Variants in FARP2 observed in about 807,000 individuals in gnomAD.
FARP2 encodes FERM, ARHGEF and pleckstrin domain-containing protein 2.
Under a neutral mutation model 130.5 loss-of-function variants are expected in FARP2, and 111 were observed. The ratio of observed to expected loss-of-function variants is 0.85; its 90% CI spans 0.73 to 1.00. The LOEUF (loss-of-function observed/expected upper bound fraction) is 1.00. Ranked by LOEUF, FARP2 falls within the 50% of genes least tolerant of loss-of-function variation. The pLI is 0.00. For missense variants in FARP2, 1,385 were observed against 1,346.3 expected (o/e 1.03, Z -0.45); for synonymous variants, 504 against 516.9 (o/e 0.98, Z 0.34).
At chr2:241,426,416 A>G (rs2062940542) in intron 8 of FARP2, among the ~76,000 whole-genome samples, 1 of 152,236 alleles carries the variant, frequency 6.6e-6, no homozygotes, top group African/African-American at 2.4e-5. Flanking sequence ...GACCATTAAT[A>G]TAAATACTGA....
chr2:241,366,984 C>G (rs1484185783), intron 1 of FARP2, among the ~76,000 whole-genome samples: 1 of 152,006 alleles, frequency 6.6e-6, no homozygotes, highest in Non-Finnish European at 1.5e-5. Flanking sequence ...TTTTTTAAAT[C>G]ACAGCTTGGT....
At position 241,453,790 on chromosome 2, in the gene FARP2, T is replaced by G. The variant is rs1273578996; in HGVS notation, c.1412-2957T>G. On this transcript the variant is annotated intron_variant, in intron 13 of 26. Coordinates refer to ENST00000264042, the MANE Select transcript of FARP2 (RefSeq NM_014808.4). ...ACTGGTTTTTTTTTTTTTTTTTTTT[T>G]TTTTTTTTTTTGAGATGGGGCCTTC... Among the ~76,000 whole-genome samples, 157 of 123,928 alleles carry G rather than the reference T, an allele frequency of 1.3e-3. 1 individual carries two copies. The highest frequency in any genetic ancestry group is 4.3e-3 in the African/African-American group (141 of 32,550). The allele number at this position is 123,928 out of a possible 152,430, so 81.3% of individuals were successfully genotyped here. A position where few individuals can be genotyped will look rare whatever the true frequency, so the allele number is the denominator to read the frequency against.
At chr2:241,490,197 A>G (rs749986361) in intron 22 of FARP2, among the ~76,000 whole-genome samples, 153 bp downstream of exon 22, 34 of 152,132 alleles carry the variant, frequency 2.2e-4, no homozygotes, top group Non-Finnish European at 3.8e-4. Context: ...TCCAAGTCAC[A>G]CAACCAAAGG....
At chr2:241,463,224 G>C in intron 15 of FARP2, 111 bp from the exon 16 acceptor site, 1 of 1,124,638 alleles carries the variant, frequency 8.9e-7, no homozygotes, top group Non-Finnish European at 1.3e-6. Context: ...CTTTGTAGGC[G>C]GTGACTGGAG....
intron 2 of FARP2, among the ~76,000 whole-genome samples, chr2:241,403,402 T>G (rs2062244365): frequency 6.6e-6 from 1 of 151,886 alleles, no homozygotes; most frequent in African/African-American, 2.4e-5. Flanking sequence ...TGGGTAGAGG[T>G]GAGGTGTCAC....
intron 19 of FARP2, chr2:241,479,009 C>G: frequency 1.9e-6 from 1 of 513,586 alleles, no homozygotes; most frequent in Non-Finnish European, 3.6e-6. Flanking sequence ...ACAGTATTGA[C>G]AGCTGAAAAA....
At chr2:241,407,702 A>C (rs2062399676) in intron 5 of FARP2, 87 bp downstream of exon 5, 1 of 1,027,998 alleles carries the variant, frequency 9.7e-7, no homozygotes, top group Non-Finnish European at 1.5e-6. Context: ...CATTGAAAGA[A>C]TGAATAAGCC....
chr2:241,375,615 A>T (rs1490319681), intron 2 of FARP2, among the ~76,000 whole-genome samples: 1 of 152,226 alleles, frequency 6.6e-6, no homozygotes, highest in African/African-American at 2.4e-5. Flanking sequence ...GTCAGTTTTA[A>T]TAAATTGAGA....
chr2:241,428,416 T>A (rs1489471815), intron 8 of FARP2, among the ~76,000 whole-genome samples: 2 of 148,848 alleles, frequency 1.3e-5, no homozygotes, highest in Admixed American at 6.8e-5. Flanking sequence ...TTTTTTTTTT[T>A]AATTCCTGAC....
At chr2:241,428,142 C>T (rs2063001580) in intron 8 of FARP2, among the ~76,000 whole-genome samples, 2 of 151,808 alleles carry the variant, frequency 1.3e-5, no homozygotes, top group South Asian at 4.2e-4. Context: ...GATTTTGTTT[C>T]CTTTTGTTGA....
chr2:241,491,030 G>C (rs1375602928), intron 22 of FARP2, 31 bp from the exon 23 acceptor site: 2 of 1,533,130 alleles, frequency 1.3e-6, no homozygotes, highest in East Asian at 4.5e-5. Context: ...AGGAAGAGCA[G>C]AGCCACTGAG....
At chr2:241,428,258 G>A (rs1472761662) in intron 8 of FARP2, among the ~76,000 whole-genome samples, 2 of 130,170 alleles carry the variant, frequency 1.5e-5, no homozygotes, top group African/African-American at 2.8e-5. Flanking sequence ...TTTTTGAGAC[G>A]GAGTCTCCCT....
chr2:241,402,526 T>G (rs1445572140), intron 2 of FARP2, among the ~76,000 whole-genome samples: 1 of 152,178 alleles, frequency 6.6e-6, no homozygotes, highest in Non-Finnish European at 1.5e-5. Flanking sequence ...AAGTCAAGTC[T>G]GTCCATCTTT....
chr2:241,410,834 T>A, intron 5 of FARP2, 199 bp from the exon 6 acceptor site: 2 of 543,246 alleles, frequency 3.7e-6, no homozygotes, highest in South Asian at 4.0e-5. Context: ...GTTTATCATC[T>A]GACCTTCACT....
At chr2:241,405,236 T>C in intron 4 of FARP2, 1 of 155,910 alleles carries the variant, frequency 6.4e-6, no homozygotes, top group South Asian at 2.0e-4. Flanking sequence ...ATAACAATTA[T>C]ATTATTATTT....
rs563476674 is a variant in FARP2 at position 241,365,444 on chromosome 2, A to G, written c.-24-7640A>G. 8.9e-4 allele frequency among the ~76,000 whole-genome samples: 135 copies of G among 152,374 alleles called. 1 individual carries two copies. The highest frequency in any genetic ancestry group is 2.8e-3 in the African/African-American group (116 of 41,590). On this transcript the variant is annotated intron_variant, in intron 1 of 26. Coordinates refer to ENST00000264042, the MANE Select transcript of FARP2 (RefSeq NM_014808.4). ...TAGAAAATAATATTAACCTCTTAATATCATCTGATGCTTAGTTAGCATTCG... is the reference window on the plus strand; with the variant it reads ...TAGAAAATAATATTAACCTCTTAATGTCATCTGATGCTTAGTTAGCATTCG...
chr2:241,407,439 C>T, intron 4 of FARP2, 98 bp from the exon 5 acceptor site: 3 of 886,070 alleles, frequency 3.4e-6, no homozygotes, highest in Non-Finnish European at 5.6e-6. Flanking sequence ...CTGTAACAGT[C>T]CACTTGGAAG....
intron 7 of FARP2, among the ~76,000 whole-genome samples, chr2:241,415,226 C>G (rs762470606): frequency 4.6e-5 from 7 of 152,140 alleles, no homozygotes; most frequent in Non-Finnish European, 7.4e-5. Context: ...CTCTATTCTC[C>G]CAGGTACCCT....
chr2:241,476,133 G>C (rs1179901121), intron 19 of FARP2, 146 bp downstream of exon 19: 4 of 657,100 alleles, frequency 6.1e-6, no homozygotes, highest in Non-Finnish European at 9.9e-6. Context: ...AATACTTTGG[G>C]AGGCTGAGGT....
Sources: gnomAD v4.1 joint callset for allele counts (sites outside exome capture counted in the v4.1 genomes callset) on GRCh38, gnomAD v4.1.1 for gene constraint, MANE v1.5 for transcripts, NCBI Gene and HGNC (gene_info 2026-07-23, HGNC 2026-07-21) for gene names.